TRIP6: variants seen among roughly 807,000 people sequenced by gnomAD.
TRIP6 encodes thyroid hormone receptor interactor 6.
In TRIP6, 33 loss-of-function variants were observed where a neutral mutation model predicts 51.9. The ratio of observed to expected loss-of-function variants is 0.64; its 90% CI spans 0.48 to 0.85. The LOEUF (loss-of-function observed/expected upper bound fraction) is 0.85, where lower values mean the gene tolerates loss of function less well. TRIP6 is among the 40% of genes least tolerant of loss of function. The pLI, the probability that TRIP6 is intolerant of heterozygous loss-of-function variation, is 0.00. For missense variants in TRIP6, 661 were observed against 652.1 expected (o/e 1.01, Z -0.15); for synonymous variants, 255 against 275.8 (o/e 0.92, Z 0.75).
Position 100,871,639 on chromosome 7 carries a change from G to A in TRIP6, c.1096G>A (p.Val366Met), listed in dbSNP as rs777418973. 2.7e-5 allele frequency: 43 copies of A among 1,613,972 alleles called. No individual in the cohort carries two copies. Among genetic ancestry groups the A allele is most frequent in the East Asian group, 1.6e-4 (7 of 44,876 alleles). Residue 366 changes from valine to methionine, a missense_variant, in exon 7 of 9, where the codon GTG becomes ATG. Physicochemically the swap from Val to Met is conservative, Grantham distance 21 (BLOSUM62 1). Coordinates refer to ENST00000200457, the MANE Select transcript of TRIP6 (RefSeq NM_003302.3). ...CTACCACCCTGGCTGCTTCACCTGC[G>A]TGGTGTGTCACCGCGGCCTCGACGG... Reference protein sequence around the residue: ...KAYHPGCFTCVVCHRGLDGIP... With the variant: ...KAYHPGCFTCMVCHRGLDGIP...
At chr7:100,871,792 G>GGACT in intron 7 of TRIP6, 71 bp downstream of exon 7, 1 of 1,545,054 alleles carries the variant, frequency 6.5e-7, no homozygotes, top group Non-Finnish European at 8.8e-7. Context: ...TCATGCCCCA[G>GGACT]GACTGTCTCT....
chr7:100,867,813 C>T lies in TRIP6; in HGVS notation c.110-48C>T. 1.3e-6 allele frequency: 2 copies of T among 1,531,444 alleles called. No homozygotes were observed. The highest frequency in any genetic ancestry group is 2.3e-5 in the East Asian group (1 of 42,602). 94.9% of individuals were successfully genotyped at this position (1,531,444 alleles called of 1,614,324 possible). A position where few individuals can be genotyped will look rare whatever the true frequency, so the allele number is the denominator to read the frequency against. ...AGGGTGGCTCCTCAAATATACACCC[C>T]TCCTGTCCTCCGCCACCCCACCTTT... On this transcript the variant is annotated intron_variant, in intron 1 of 8. Transcript: ENST00000200457. The surrounding 1 kb of genome is among the most constrained non-coding windows in gnomAD (Gnocchi z 5.4).
At chr7:100,873,053 A>T in intron 8 of TRIP6, 119 bp from the exon 9 acceptor site, 1 of 1,383,396 alleles carries the variant, frequency 7.2e-7, no homozygotes, top group Non-Finnish European at 9.6e-7. Flanking sequence ...GTTTCACCAT[A>T]TTGGCCAGGC....
At chr7:100,870,264 C>T in intron 4 of TRIP6, 106 bp from the exon 5 acceptor site, 2 of 1,142,632 alleles carry the variant, frequency 1.8e-6, no homozygotes, top group Non-Finnish European at 2.6e-6. Context: ...TGCTCAGCTC[C>T]TGCTGTGTGG....
In TRIP6 at chr7:100,868,860, GC is replaced by G. The variant is rs1292292121; in HGVS notation, c.733del (p.Gln245ArgfsTer4). 1 of 1,507,130 alleles carries G rather than the reference GC, an allele frequency of 6.6e-7. No homozygotes were observed. The highest frequency in any genetic ancestry group is 2.4e-5 in the East Asian group (1 of 42,302). The allele number at this position is 1,507,130 out of a possible 1,614,324, so 93.4% of individuals were successfully genotyped here. A position where few individuals can be genotyped will look rare whatever the true frequency, so the allele number is the denominator to read the frequency against. ...AGRGRGGEHG[P>X]QVPLSQPPED... is the part of the protein sequence containing the mutation. ...GAAGAGGAAGAGGAGGCGAGCACGG[GC>G]CCCAGGTGAGCCCTGGGGAACTGGG... On this transcript the variant is annotated frameshift_variant, in exon 4 of 9. Transcript: ENST00000200457. LOFTEE classifies it high-confidence loss of function.
intron 4 of TRIP6, 101 bp from the exon 5 acceptor site, chr7:100,870,269 G>A (rs1390992849): frequency 5.9e-6 from 7 of 1,182,310 alleles, no homozygotes; most frequent in Non-Finnish European, 8.6e-6. Context: ...AGCTCCTGCT[G>A]TGTGGCCCAG....
In TRIP6 at chr7:100,867,454, C is replaced by G; in HGVS notation, c.-44C>G. The G allele has an allele frequency of 7.4e-7, 1 of 1,357,156 alleles. No homozygotes were observed. The highest frequency in any genetic ancestry group is 1.5e-5 in the South Asian group (1 of 65,272). 84.1% of individuals were successfully genotyped at this position (1,357,156 alleles called of 1,614,324 possible). ...CGGAAGAGGGGGTGAAGGCCAGAGG[C>G]TCGGGGCTTCAAGACCGCTGTCTGG... On this transcript the variant is annotated 5_prime_UTR_variant, in exon 1 of 9. Coordinates refer to ENST00000200457, the MANE Select transcript of TRIP6 (RefSeq NM_003302.3). The surrounding 1 kb of genome is among the most constrained non-coding windows in gnomAD (Gnocchi z 5.4).
chr7:100,867,618 C>T lies in TRIP6; in HGVS notation c.109+12C>T. 1.3e-6 allele frequency: 2 copies of T among 1,543,882 alleles called. No individual in the cohort carries two copies. The highest frequency in any genetic ancestry group is 2.4e-5 in the East Asian group (1 of 40,874). The stretch of plus-strand genomic sequence containing the variant: ...GGCCCACGGAGCAGGTAAGGCAGCC[C>T]TTGTGAGACAGAAGAGCCACCCAGC... On this transcript the variant is annotated intron_variant, in intron 1 of 8. Coordinates refer to ENST00000200457, the MANE Select transcript of TRIP6 (RefSeq NM_003302.3). The surrounding 1 kb of genome is among the most constrained non-coding windows in gnomAD (Gnocchi z 5.4).
chr7:100,870,223 T>A, intron 4 of TRIP6, 147 bp from the exon 5 acceptor site: 1 of 755,790 alleles, frequency 1.3e-6, no homozygotes, highest in South Asian at 1.7e-5. Context: ...GGGGAGCAGC[T>A]GTAAATACAG....
Position 100,870,687 on chromosome 7 carries a change from C to T in TRIP6, c.943C>T (p.Arg315Cys), listed in dbSNP as rs546644102. Residue 315 changes from arginine (R) to cysteine (C), a missense_variant, in exon 6 of 9, where the codon CGC becomes TGC. Arg to Cys is a radical substitution (Grantham distance 180, BLOSUM62 -3). Coordinates refer to ENST00000200457, the MANE Select transcript of TRIP6 (RefSeq NM_003302.3). ...ATGTTCTACATGCCGGGCCCAGCTTCGCGGCCAGCATTTCTACGCCGTGGA... is the reference window on the plus strand; with the variant it reads ...ATGTTCTACATGCCGGGCCCAGCTTTGCGGCCAGCATTTCTACGCCGTGGA... The part of the protein sequence containing the change: ...FVCSTCRAQL[R>C]GQHFYAVERR... The T allele has an allele frequency of 1.5e-5, 24 of 1,614,078 alleles. No individual in the cohort carries two copies. The Admixed American group carries it at 2.2e-4, about 15-fold the overall frequency.
chr7:100,868,645 G>T lies in TRIP6; in HGVS notation c.514G>T (p.Val172Leu). The T allele has an allele frequency of 6.2e-7, 1 of 1,611,534 alleles. No homozygotes were observed. Among genetic ancestry groups the T allele is most frequent in the Non-Finnish European group, 8.5e-7 (1 of 1,179,090 alleles). ...GGCTGGCCCAGCCTTCCCCGTGCAA[G>T]TGAAGGTGGCACAGCCAGTGAGGGG... Reference protein sequence around the residue: ...TPAGPAFPVQVKVAQPVRGCG... With the variant: ...TPAGPAFPVQLKVAQPVRGCG... The change falls in exon 4 of 9, where the codon GTG becomes TTG. Residue 172 changes from valine (V) to leucine (L), a missense_variant. By Grantham distance (32) the Val-to-Leu change is conservative. Transcript: ENST00000200457.
intron 7 of TRIP6, 119 bp downstream of exon 7, chr7:100,871,840 ATTG>A (rs2115631205): frequency 1.5e-6 from 2 of 1,307,518 alleles, no homozygotes; most frequent in South Asian, 2.9e-5. Flanking sequence ...GTTCTTTGTT[ATTG>A]TTATTTTTTA....
intron 7 of TRIP6, among the ~76,000 whole-genome samples, 190 bp downstream of exon 7, chr7:100,871,911 C>T (rs533455237): frequency 6.6e-6 from 1 of 152,328 alleles, no homozygotes; most frequent in East Asian, 1.9e-4. Flanking sequence ...TCATAGCTCA[C>T]TGCAGCCTCC....
chr7:100,867,584 G>A lies in TRIP6; in HGVS notation c.87G>A (p.Gly29=). The change falls in exon 1 of 9, where the codon GGG becomes GGA. Residue 29 remains glycine (G), a synonymous_variant. Coordinates refer to ENST00000200457, the MANE Select transcript of TRIP6 (RefSeq NM_003302.3). The surrounding 1 kb of genome is among the most constrained non-coding windows in gnomAD (Gnocchi z 5.4). ...GGGCGATCCCCCGCGGCACCCCGGG[G>A]CCACCACCGGCCCACGGAGCAGGTA... ...QGRAIPRGTP[G]PPPAHGAALQ... The A allele has an allele frequency of 6.5e-7, 1 of 1,539,320 alleles. No homozygotes were observed. Among genetic ancestry groups the A allele is most frequent in the Non-Finnish European group, 8.7e-7 (1 of 1,146,156 alleles).
chr7:100,868,202 G>A lies in TRIP6; in HGVS notation c.332G>A (p.Arg111Gln), dbSNP rs2437100. The change falls in exon 3 of 9, where the codon CGG becomes CAG. Residue 111 changes from arginine to glutamine, a missense_variant. Arg to Gln is a conservative substitution (Grantham distance 43). Transcript: ENST00000200457. ...SSTLAELNGG[R>Q]GHASRRPDRQ... ...ACGCTGGCCGAGCTGAATGGGGGTC[G>A]GGGTCATGCGTCACGGCGACCAGAC... The A allele has an allele frequency of 0.022, 36,051 of 1,609,058 alleles. 560 individuals are homozygous for A. The highest frequency in any genetic ancestry group is 0.025 in the Non-Finnish European group (29,729 of 1,177,558).
At chr7:100,870,764 G>A in intron 6 of TRIP6, 21 bp downstream of exon 6, 1 of 1,601,812 alleles carries the variant, frequency 6.2e-7, no homozygotes, top group African/African-American at 1.3e-5. Context: ...GGGGCTGGGA[G>A]GAGGGAGTCA....
At chr7:100,871,496 C>T in intron 6 of TRIP6, 47 bp from the exon 7 acceptor site, 1 of 1,596,234 alleles carries the variant, frequency 6.3e-7, no homozygotes, top group East Asian at 2.2e-5. Context: ...GTTGAGCTGC[C>T]ATGGCTCCCG....
intron 8 of TRIP6, 108 bp downstream of exon 8, chr7:100,872,852 C>CTT (rs367565917): frequency 2.0e-3 from 2,389 of 1,172,134 alleles, no homozygotes; most frequent in East Asian, 2.6e-3. Flanking sequence ...TTGCTTCTTT[C>CTT]TTTTTTTTTT....
chr7:100,871,160 G>A (rs550542305), intron 6 of TRIP6: 41 of 474,978 alleles, frequency 8.6e-5, no homozygotes, highest in African/African-American at 5.7e-4. Context: ...TCAGGCTCCC[G>A]AGCAGTTGGG....
Sources: allele counts gnomAD v4.1 joint callset (sites outside exome capture counted in the v4.1 genomes callset), GRCh38; gene constraint gnomAD v4.1.1; non-coding constraint Gnocchi (gnomAD v3.1); transcripts MANE v1.5; gene names NCBI Gene and HGNC (gene_info 2026-07-23, HGNC 2026-07-21).